The following ENOX1 variants were observed in gnomAD, a reference collection of about 807,000 sequenced individuals.
ENOX1 encodes ecto-NOX disulfide-thiol exchanger 1.
A neutral mutation model predicts 82.5 loss-of-function variants in ENOX1; 42 were observed. The ratio of observed to expected loss-of-function variants is 0.51; its 90% CI spans 0.40 to 0.66. The LOEUF (loss-of-function observed/expected upper bound fraction) is 0.66. Among genes scored for constraint, ENOX1 ranks in the 30% least tolerant of loss-of-function variants. ENOX1 has a pLI of 0.00. For synonymous variants in ENOX1, 271 were observed against 282.2 expected (o/e 0.96, Z 0.40); for missense variants, 608 against 811.6 (o/e 0.75, Z 3.05).
chr13:43,443,424 C>T (rs1192449566), intron 3 of ENOX1, among the ~76,000 whole-genome samples: 1 of 152,164 alleles, frequency 6.6e-6, no homozygotes, highest in Non-Finnish European at 1.5e-5. Flanking sequence ...GATCCACCTT[C>T]CAAAAGCTCA....
At chr13:43,558,545 C>G (rs1367953321) in intron 2 of ENOX1, among the ~76,000 whole-genome samples, 2 of 152,158 alleles carry the variant, frequency 1.3e-5, no homozygotes, top group South Asian at 2.1e-4. Flanking sequence ...GCATTTCTAA[C>G]CCTGATCATT....
intron 3 of ENOX1, among the ~76,000 whole-genome samples, chr13:43,444,697 G>T (rs150601948): frequency 3.9e-5 from 6 of 152,180 alleles, no homozygotes; most frequent in African/African-American, 1.4e-4. Flanking sequence ...TTTAAAAAAC[G>T]TGTATAAGAG....
intron 2 of ENOX1, among the ~76,000 whole-genome samples, chr13:43,665,789 C>T (rs149249709): frequency 9.5e-4 from 144 of 151,608 alleles, no homozygotes; most frequent in African/African-American, 3.4e-3. Context: ...CAAGAGCTCC[C>T]TGAGGACAAA....
intron 1 of ENOX1, among the ~76,000 whole-genome samples, chr13:43,760,876 AC>A (rs1168451761): frequency 1.0e-4 from 15 of 147,742 alleles, no homozygotes; most frequent in African/African-American, 3.4e-4. Context: ...AAAAAAAAAA[AC>A]AAGCAAACAA....
chr13:43,280,197 G>T (rs1383316374), intron 12 of ENOX1, among the ~76,000 whole-genome samples: 4 of 152,178 alleles, frequency 2.6e-5, no homozygotes, highest in African/African-American at 9.7e-5. Flanking sequence ...TGGAACAGCT[G>T]GGTCTTGCAC....
intron 5 of ENOX1, among the ~76,000 whole-genome samples, chr13:43,362,703 C>A (rs188843841): frequency 2.6e-5 from 4 of 152,296 alleles, no homozygotes; most frequent in Admixed American, 2.6e-4. Flanking sequence ...TACTAAGAAG[C>A]TCCAGAGAAT....
At chr13:43,447,004 C>T (rs2056683968) in intron 3 of ENOX1, among the ~76,000 whole-genome samples, 1 of 152,120 alleles carries the variant, frequency 6.6e-6, no homozygotes, top group Non-Finnish European at 1.5e-5. Context: ...TGAAATTTGC[C>T]TTAGAGGGCC....
chr13:43,453,429 T>C (rs1476793800), intron 3 of ENOX1, among the ~76,000 whole-genome samples: 1 of 152,240 alleles, frequency 6.6e-6, no homozygotes, highest in African/African-American at 2.4e-5. Flanking sequence ...TGTTTATTTT[T>C]GCAGATAGAG....
At chr13:43,409,948 G>C (rs1262293598) in intron 5 of ENOX1, among the ~76,000 whole-genome samples, 2 of 152,174 alleles carry the variant, frequency 1.3e-5, no homozygotes, top group African/African-American at 4.8e-5. Flanking sequence ...ATGATGAAGG[G>C]AAGCCCAGAA....
At chr13:43,538,964 T>C (rs913331065) in intron 2 of ENOX1, among the ~76,000 whole-genome samples, 1 of 152,056 alleles carries the variant, frequency 6.6e-6, no homozygotes, top group African/African-American at 2.4e-5. Context: ...GCTGGGACTA[T>C]AGGTGTATGT....
chr13:43,587,951 CA>C (rs34517732), intron 2 of ENOX1, among the ~76,000 whole-genome samples: 4 of 148,754 alleles, frequency 2.7e-5, no homozygotes, highest in African/African-American at 7.4e-5. Flanking sequence ...TTGCATTTTC[CA>C]AAAAAAAAAA....
chr13:43,397,006 T>C (rs1255789967), intron 5 of ENOX1, among the ~76,000 whole-genome samples: 1 of 152,112 alleles, frequency 6.6e-6, no homozygotes, highest in Admixed American at 6.5e-5. Flanking sequence ...TGCTTTCCTC[T>C]TGCCATACTG....
At chr13:43,775,128 C>G (rs773201691) in intron 1 of ENOX1, among the ~76,000 whole-genome samples, 1 of 152,002 alleles carries the variant, frequency 6.6e-6, no homozygotes, top group Non-Finnish European at 1.5e-5. Context: ...GATTACAGGC[C>G]TGAGCCACCG....
chr13:43,373,619 C>A (rs1029198283), intron 5 of ENOX1, among the ~76,000 whole-genome samples: 1 of 152,170 alleles, frequency 6.6e-6, no homozygotes, highest in Non-Finnish European at 1.5e-5. Context: ...CACACACACA[C>A]GTGTCTTTTT....
chr13:43,468,489 T>C (rs2057840604), intron 3 of ENOX1, among the ~76,000 whole-genome samples: 1 of 151,976 alleles, frequency 6.6e-6, no homozygotes, highest in African/African-American at 2.4e-5. Context: ...CCTATAAATT[T>C]CTTTTAAAAA....
At chr13:43,451,684 T>A (rs964396495) in intron 3 of ENOX1, among the ~76,000 whole-genome samples, 9 of 152,206 alleles carry the variant, frequency 5.9e-5, no homozygotes, top group Non-Finnish European at 1.2e-4. Flanking sequence ...AAAAAGTTAG[T>A]CTTGCTCCTA....
chr13:43,705,688 G>C (rs899657551), intron 1 of ENOX1, among the ~76,000 whole-genome samples: 1 of 151,798 alleles, frequency 6.6e-6, no homozygotes, highest in African/African-American at 2.4e-5. Flanking sequence ...GTAGAAATAA[G>C]GGGAAAAAAT....
chr13:43,629,942 C>T (rs1434634260), intron 2 of ENOX1, among the ~76,000 whole-genome samples: 1 of 152,144 alleles, frequency 6.6e-6, no homozygotes, highest in Non-Finnish European at 1.5e-5. Flanking sequence ...TTTTCTAAGC[C>T]TCCTCCACTT....
intron 1 of ENOX1, among the ~76,000 whole-genome samples, chr13:43,704,032 T>C (rs2087083855): frequency 6.6e-6 from 1 of 151,958 alleles, no homozygotes; most frequent in African/African-American, 2.4e-5. Context: ...TGTATTCTTC[T>C]TGATAGAATT....
Sources: allele counts gnomAD v4.1 joint callset (sites outside exome capture counted in the v4.1 genomes callset), GRCh38; gene constraint gnomAD v4.1.1; transcripts MANE v1.5; gene names NCBI Gene and HGNC (gene_info 2026-07-23, HGNC 2026-07-21).